Variants in TRPC5 observed in about 807,000 individuals in gnomAD.
TRPC5 encodes the protein transient receptor potential cation channel subfamily C member 5.
TRPC5 carries 9 observed loss-of-function variants against 56.5 expected under a neutral mutation model. The observed-to-expected ratio is 0.16, with a 90% CI of 0.10 to 0.28. The LOEUF (loss-of-function observed/expected upper bound fraction) is 0.28, where lower values mean the gene tolerates loss of function less well. Ranked by LOEUF, TRPC5 falls within the 10% of genes least tolerant of loss-of-function variation. TRPC5 has a pLI of 1.00. For missense variants in TRPC5, 469 were observed against 748.9 expected, an observed-to-expected ratio of 0.63 and a Z score of 4.36; for synonymous variants, 282 against 278.5, an observed-to-expected ratio of 1.01 and a Z score of -0.13.
chrX:111,781,104 G>T, intron 9 of TRPC5, 61 bp downstream of exon 9: 1 of 1,088,361 alleles, frequency 9.2e-7, no homozygotes, highest in Non-Finnish European at 1.3e-6. Context: ...AGTGAAGTTT[G>T]CTTCTCCTCC....
At chrX:111,905,459 A>G (rs1283238778) in intron 3 of TRPC5, among the ~76,000 whole-genome samples, 1 of 112,276 alleles carries the variant, frequency 8.9e-6, no homozygotes, top group Non-Finnish European at 1.9e-5. Context: ...GTATTGATAA[A>G]TAAAACTGTC....
chrX:112,015,328 T>C (rs953157413), intron 1 of TRPC5, among the ~76,000 whole-genome samples: 7 of 111,665 alleles, frequency 6.3e-5, no homozygotes, highest in Non-Finnish European at 1.1e-4. Flanking sequence ...ATGCAGATTT[T>C]CCCCCTCTCA....
In TRPC5 at chrX:111,944,306, G is replaced by A. The variant is rs7063051; in HGVS notation, c.378+7737C>T. On this transcript the variant is annotated intron_variant, in intron 2 of 10. Coordinates refer to ENST00000262839, the MANE Select transcript of TRPC5 (RefSeq NM_012471.3). ...TGTGTGTGTGTGTGTGTGTGTGTGA[G>A]AGAGAGAGAGAGAGAGAGAGAGAGA... is the stretch of plus-strand genomic sequence containing the variant. Among the ~76,000 whole-genome samples, 353 of 86,926 alleles carry A rather than the reference G, an allele frequency of 4.1e-3. 1 individual carries two copies. The highest frequency in any genetic ancestry group is 5.1e-3 in the Non-Finnish European group (230 of 45,342). The allele number at this position is 86,926 out of a possible 115,157, so 75.5% of individuals were successfully genotyped here.
intron 3 of TRPC5, among the ~76,000 whole-genome samples, chrX:111,905,999 G>C (rs986662475): frequency 1.8e-5 from 2 of 109,999 alleles, no homozygotes; most frequent in Non-Finnish European, 3.8e-5. Context: ...TTCATATAAG[G>C]TGGACAAGGG....
intron 1 of TRPC5, among the ~76,000 whole-genome samples, chrX:112,009,981 A>G (rs1191120444): frequency 4.5e-5 from 5 of 111,815 alleles, no homozygotes; most frequent in African/African-American, 9.8e-5. Flanking sequence ...TGTACCCTAG[A>G]ACTTAAAGTA....
intron 3 of TRPC5, among the ~76,000 whole-genome samples, chrX:111,880,096 T>A (rs1044569404): frequency 2.7e-5 from 3 of 111,842 alleles, no homozygotes; most frequent in Non-Finnish European, 3.8e-5. Flanking sequence ...GCTTTTTTTT[T>A]TTTAACCACA....
At chrX:111,981,181 C>T (rs1336733538) in intron 1 of TRPC5, among the ~76,000 whole-genome samples, 1 of 109,634 alleles carries the variant, frequency 9.1e-6, no homozygotes, top group African/African-American at 3.3e-5. Context: ...AGCCTGAGAA[C>T]CAAGAGAGCT....
At chrX:111,991,418 T>C (rs889107498) in intron 1 of TRPC5, among the ~76,000 whole-genome samples, 1 of 112,097 alleles carries the variant, frequency 8.9e-6, no homozygotes, top group Non-Finnish European at 1.9e-5. Flanking sequence ...TCTTTCTCTA[T>C]CATCCTATTT....
chrX:112,070,636 T>C (rs1465141215), intron 1 of TRPC5, among the ~76,000 whole-genome samples: 2 of 111,095 alleles, frequency 1.8e-5, no homozygotes, highest in East Asian at 5.7e-4. Context: ...TCTCTACTCT[T>C]GATCTTCCTA....
chrX:111,826,146 A>ATTTGAG (rs1922229285), intron 7 of TRPC5, among the ~76,000 whole-genome samples: 1 of 112,187 alleles, frequency 8.9e-6, no homozygotes, highest in Admixed American at 9.4e-5. Flanking sequence ...AGGTAGTCTG[A>ATTTGAG]CTACTCTTGA....
intron 7 of TRPC5, among the ~76,000 whole-genome samples, chrX:111,809,635 C>T (rs951109150): frequency 1.8e-5 from 2 of 111,478 alleles, no homozygotes; most frequent in African/African-American, 3.3e-5. Flanking sequence ...TATGATCCCT[C>T]ACCTGATTTT....
chrX:112,077,437 C>T (rs1930860418), intron 1 of TRPC5, among the ~76,000 whole-genome samples: 1 of 112,124 alleles, frequency 8.9e-6, no homozygotes, highest in Non-Finnish European at 1.9e-5. Flanking sequence ...TTTGGATAAG[C>T]TCTAGCCCGG....
At position 111,921,790 on chromosome X, in the gene TRPC5, ACACTGTCTTGCCTTTCCCTGGGACT is replaced by A. The variant is rs1926134489; in HGVS notation, c.379-9003_379-8979del. ...TAAGGACATGGCCACTAAAGAAGTT[ACACTGTCTTGCCTTTCCCTGGGACT>A]TTTCATTCAGGCCATAATGAGTTTG... On this transcript the variant is annotated intron_variant, in intron 2 of 10. Coordinates refer to ENST00000262839, the MANE Select transcript of TRPC5 (RefSeq NM_012471.3). Among the ~76,000 whole-genome samples, 4 of 111,976 alleles carry A rather than the reference ACACTGTCTTGCCTTTCCCTGGGACT, an allele frequency of 3.6e-5. No homozygotes were observed. In the South Asian group the frequency reaches 1.5e-3, roughly 42 times the overall value.
At chrX:111,974,092 T>C in intron 1 of TRPC5, among the ~76,000 whole-genome samples, 1 of 112,257 alleles carries the variant, frequency 8.9e-6, no homozygotes, top group South Asian at 3.7e-4. Context: ...AAATTTAATC[T>C]CCTACTTGAA....
chrX:111,810,656 T>C lies in TRPC5; in HGVS notation c.1896+24265A>G, dbSNP rs1237354788. 2.7e-5 allele frequency among the ~76,000 whole-genome samples: 3 copies of C among 111,980 alleles called. No homozygotes were observed. In the East Asian group the frequency reaches 8.3e-4, roughly 31 times the overall value. On this transcript the variant is annotated intron_variant, in intron 7 of 10. Transcript: ENST00000262839. ...AAAAATGGAAACAAAATATAATTGA[T>C]GCTGAATCTTGTTCCTGAATGTTAT...
chrX:111,897,614 A>G (rs1317643288), intron 3 of TRPC5, among the ~76,000 whole-genome samples: 1 of 111,795 alleles, frequency 8.9e-6, no homozygotes, highest in East Asian at 2.8e-4. Flanking sequence ...CTAAAATTGT[A>G]TATGGATGGA....
chrX:111,931,274 G>A (rs1238991137), intron 2 of TRPC5, among the ~76,000 whole-genome samples: 1 of 111,977 alleles, frequency 8.9e-6, no homozygotes, highest in African/African-American at 3.3e-5. Flanking sequence ...TGGGAAATAG[G>A]GGATGATTTC....
intron 2 of TRPC5, among the ~76,000 whole-genome samples, chrX:111,938,516 A>G (rs753917848): frequency 3.7e-4 from 41 of 111,454 alleles, no homozygotes; most frequent in African/African-American, 1.2e-3. Context: ...TTTGCGATAC[A>G]TCCCATCAAT....
In TRPC5 at chrX:111,847,367, C is replaced by T. The variant is rs145559629; in HGVS notation, c.1447G>A (p.Ala483Thr). The change falls in exon 6 of 11, where the codon GCA becomes ACA. Residue 483 changes from alanine to threonine, a missense_variant. This residue lies in a region of TRPC5 where 157 missense variants were observed against 360.0 expected (regional missense o/e 0.44). Transcript: ENST00000262839. ...AACGAACTTAAAATGTTGGATATTGCGAAGAGTGCTTCCGCAATCAGAGTC... is the reference window on the plus strand; with the variant it reads ...AACGAACTTAAAATGTTGGATATTGTGAAGAGTGCTTCCGCAATCAGAGTC... ...HPTLIAEALFAISNILSSLRL... is the reference protein window; with the variant it reads ...HPTLIAEALFTISNILSSLRL... 8.3e-6 allele frequency: 10 copies of T among 1,209,633 alleles called. No homozygotes were observed. The highest frequency in any genetic ancestry group is 5.3e-5 in the African/African-American group (3 of 57,028).
Sources: gnomAD v4.1 joint callset for allele counts (sites outside exome capture counted in the v4.1 genomes callset) on GRCh38, gnomAD v4.1.1 for gene constraint, gnomAD v4.1.1 regional missense constraint, MANE v1.5 for transcripts, NCBI Gene and HGNC (gene_info 2026-07-23, HGNC 2026-07-21) for gene names.